SH2D6: variants seen among roughly 807,000 people sequenced by gnomAD.
SH2D6 encodes the protein SH2 domain containing 6.
A neutral mutation model predicts 30.2 loss-of-function variants in SH2D6; 31 were observed. The observed-to-expected ratio is 1.03, with a 90% CI of 0.77 to 1.38. The LOEUF (loss-of-function observed/expected upper bound fraction) is 1.38, where lower values mean the gene tolerates loss of function less well. Ranked by LOEUF, SH2D6 falls within the 40% of genes most tolerant of loss-of-function variation. The pLI, the probability that SH2D6 is intolerant of heterozygous loss-of-function variation, is 0.00. For missense variants in SH2D6, 240 were observed against 266.8 expected, an observed-to-expected ratio of 0.90 and a Z score of 0.70; for synonymous variants, 93 against 104.6, an observed-to-expected ratio of 0.89 and a Z score of 0.68.
chr2:85,433,196 A>G (rs1688962241), intron 15 of SH2D6, 75 bp downstream of exon 15: 2 of 780,236 alleles, frequency 2.6e-6, no homozygotes, highest in African/African-American at 3.8e-5. Context: ...GGTGGGGCCT[A>G]GGGAGGGCCA....
chr2:85,433,877 G>T (rs115169885), intron 16 of SH2D6, among the ~76,000 whole-genome samples, 156 bp from the exon 17 acceptor site: 1 of 152,236 alleles, frequency 6.6e-6, no homozygotes, highest in South Asian at 2.1e-4. Flanking sequence ...CAGCTGCTGC[G>T]GCCAGGACAG....
chr2:85,431,740 CAAAG>C (rs965293379), intron 13 of SH2D6, among the ~76,000 whole-genome samples, 155 bp from the exon 14 acceptor site: 4 of 152,204 alleles, frequency 2.6e-5, no homozygotes, highest in African/African-American at 9.7e-5. Flanking sequence ...CGATTCACAG[CAAAG>C]AAAGAGCCAC....
At chr2:85,433,244 A>T in intron 15 of SH2D6, 123 bp downstream of exon 15, 1 of 714,768 alleles carries the variant, frequency 1.4e-6, no homozygotes, top group Non-Finnish European at 1.7e-6. Context: ...GGCCCAGAGC[A>T]GGGCCCCTGC....
At chr2:85,434,282 C>T (rs935074170) in intron 17 of SH2D6, 58 bp from the exon 18 acceptor site, 2 of 1,520,010 alleles carry the variant, frequency 1.3e-6, no homozygotes, top group African/African-American at 2.8e-5. Flanking sequence ...GTTCACTGGC[C>T]CTTTCTCTTG....
rs935508059 is a variant in SH2D6, at chr2:85,434,770, G to C, written c.589+273G>C. 4 of 1,453,328 alleles carry C rather than the reference G, an allele frequency of 2.8e-6. No homozygotes were observed. In the South Asian group the frequency reaches 5.9e-5, roughly 22 times the overall value. 90.0% of individuals were successfully genotyped at this position (1,453,328 alleles called of 1,614,324 possible). A position where few individuals can be genotyped will look rare whatever the true frequency, so the allele number is the denominator to read the frequency against. On this transcript the variant is annotated intron_variant, in intron 19 of 23. Coordinates refer to ENST00000469800, the MANE Select transcript of SH2D6 (RefSeq NM_001394463.1). ...TCCCTGAAGCTCTGACTCCAGCTGA[G>C]ATCAGGCCTGAGGGGACCCTCTTGG...
intron 5 of SH2D6, among the ~76,000 whole-genome samples, chr2:85,423,903 T>C (rs1267507054): frequency 6.6e-6 from 1 of 152,252 alleles, no homozygotes; most frequent in East Asian, 1.9e-4. Flanking sequence ...TTCCGTTGGC[T>C]GTAGGCCCTT....
chr2:85,432,700 G>A (rs1337833166), intron 14 of SH2D6, among the ~76,000 whole-genome samples: 1 of 151,760 alleles, frequency 6.6e-6, no homozygotes, highest in Non-Finnish European at 1.5e-5. Flanking sequence ...GCGCCCGGCC[G>A]AATTTTTGTA....
chr2:85,426,738 T>G (rs1163297982), intron 6 of SH2D6, among the ~76,000 whole-genome samples: 1 of 152,256 alleles, frequency 6.6e-6, no homozygotes. Flanking sequence ...AGTGTTTCAC[T>G]GAGTTCTGTG....
At position 85,436,948 on chromosome 2, in the gene SH2D6, T is replaced by G; in HGVS notation, c.*124T>G. The stretch of plus-strand genomic sequence containing the variant: ...TGGAACAGCAAAGGATCCTCTCACA[T>G]CTACTTGTGGGCCTAGGGCACCCTG... On this transcript the variant is annotated 3_prime_UTR_variant, in exon 24 of 24. Transcript: ENST00000469800. 1 of 224,042 alleles carries G rather than the reference T, an allele frequency of 4.5e-6. No homozygotes were observed. The allele number at this position is 224,042 out of a possible 1,614,324, so 13.9% of individuals were successfully genotyped here. A position where few individuals can be genotyped will look rare whatever the true frequency, so the allele number is the denominator to read the frequency against.
rs772455588 is a variant in SH2D6, at chr2:85,435,113, C to G, written c.638C>G (p.Ser213Ter). ...TCTGTAGCCCCCACTGGGAGTGCCT[C>G]AGCTGCTGAGGTGAGGAGGGGCTGG... is the stretch of plus-strand genomic sequence containing the variant. ...LPSVAPTGSA[S>*]AAEDSDLLTQ... The change falls in exon 20 of 24, where the codon TCA becomes TGA. Residue 213 changes from serine to a stop codon, truncating the protein, a stop_gained. Coordinates refer to ENST00000469800, the MANE Select transcript of SH2D6 (RefSeq NM_001394463.1). LOFTEE classifies it high-confidence loss of function. The G allele has an allele frequency of 6.2e-7, 1 of 1,603,958 alleles. No individual in the cohort carries two copies. The highest frequency in any genetic ancestry group is 1.1e-5 in the South Asian group (1 of 90,794).
At chr2:85,427,305 G>T (rs569153879) in intron 6 of SH2D6, among the ~76,000 whole-genome samples, 1 of 152,230 alleles carries the variant, frequency 6.6e-6, no homozygotes, top group Non-Finnish European at 1.5e-5. Flanking sequence ...TTCATCCCCA[G>T]GGAATATCTA....
chr2:85,434,399 G>A (rs1198835907), intron 18 of SH2D6, 29 bp downstream of exon 18: 1 of 1,550,654 alleles, frequency 6.4e-7, no homozygotes, highest in Admixed American at 2.0e-5. Context: ...GGGGAGAAGA[G>A]AGGGAGGCAG....
At chr2:85,421,121 T>C (rs1013606491) in intron 2 of SH2D6, among the ~76,000 whole-genome samples, 4 of 152,202 alleles carry the variant, frequency 2.6e-5, no homozygotes, top group South Asian at 2.1e-4. Flanking sequence ...GCTCCCAGGC[T>C]CTGTGCTGAA....
chr2:85,425,269 T>C (rs1000524752), intron 5 of SH2D6, 39 bp from the exon 6 acceptor site: 1 of 147,486 alleles, frequency 6.8e-6, no homozygotes, highest in African/African-American at 2.5e-5. Context: ...TTTTTTTTTT[T>C]TTTTTTTTTT....
rs117186875 is a variant in SH2D6, at chr2:85,426,557, G to A, written c.-209+1150G>A. Reference sequence around the variant, plus strand: ...TTATGAATCTTCTATAAAAACCCAAGAGGCCTGGTTCAGAGAGCTTCTCCA... The same window carrying A: ...TTATGAATCTTCTATAAAAACCCAAAAGGCCTGGTTCAGAGAGCTTCTCCA... On this transcript the variant is annotated intron_variant, in intron 6 of 23. Transcript: ENST00000469800. Among the ~76,000 whole-genome samples the A allele has an allele frequency of 5.3e-5, 8 of 152,320 alleles. No homozygotes were observed. The East Asian group carries it at 1.5e-3, about 29-fold the overall frequency.
intron 19 of SH2D6, 119 bp downstream of exon 19, chr2:85,434,616 T>TAA: frequency 1.9e-6 from 2 of 1,079,162 alleles, no homozygotes; most frequent in Non-Finnish European, 1.3e-6. Flanking sequence ...TTGACTAGAC[T>TAA]TAAAAAAAAA....
chr2:85,422,961 C>T (rs1573204290), intron 5 of SH2D6, among the ~76,000 whole-genome samples: 3 of 152,216 alleles, frequency 2.0e-5, no homozygotes, highest in African/African-American at 7.2e-5. Context: ...GATCTCGGCT[C>T]ACTGCAACCT....
At chr2:85,423,587 C>T (rs1687833743) in intron 5 of SH2D6, among the ~76,000 whole-genome samples, 1 of 152,190 alleles carries the variant, frequency 6.6e-6, no homozygotes, top group Non-Finnish European at 1.5e-5. Context: ...GAGGGATGGT[C>T]TCTCACAAAG....
intron 22 of SH2D6, 132 bp downstream of exon 22, chr2:85,435,956 G>A: frequency 1.6e-6 from 2 of 1,289,800 alleles, no homozygotes; most frequent in Non-Finnish European, 2.1e-6. Flanking sequence ...ACAGAGCCCA[G>A]AGCCCTGAAC....
Sources: allele counts gnomAD v4.1 joint callset (sites outside exome capture counted in the v4.1 genomes callset), GRCh38; gene constraint gnomAD v4.1.1; transcripts MANE v1.5; gene names NCBI Gene and HGNC (gene_info 2026-07-23, HGNC 2026-07-21).